The following SUN1 variants were observed in gnomAD, a reference collection of about 807,000 sequenced individuals.
The protein encoded by SUN1 is Sad1 and UNC84 domain containing 1, also known as SUN domain-containing protein 1.
A neutral mutation model predicts 103.2 loss-of-function variants in SUN1; 61 were observed. That is an observed-to-expected ratio of 0.59 (90% CI 0.48 to 0.73). The LOEUF is 0.73. Ranked by LOEUF, SUN1 falls within the 30% of genes least tolerant of loss-of-function variation. SUN1 has a pLI of 0.00. For missense variants in SUN1, 1,052 were observed against 1,034.6 expected (o/e 1.02, Z -0.23); for synonymous variants, 490 against 425.7 (o/e 1.15, Z -1.86).
At chr7:830,060 C>G (rs1796517661), upstream of SUN1, among the ~76,000 whole-genome samples, 1 of 152,154 alleles carries the variant, frequency 6.6e-6, no homozygotes, top group African/African-American at 2.4e-5. Context: ...TAAAATCTTC[C>G]ATTTCCAAAT....
intron 5 of SUN1, chr7:849,631 C>T (rs745368428): frequency 2.2e-5 from 33 of 1,516,968 alleles, no homozygotes; most frequent in Non-Finnish European, 2.9e-5. Context: ...TTCCTGTGGG[C>T]GTCGGTCGTG....
intron 1 of SUN1, chr7:816,849 C>T (rs1780945737): frequency 1.3e-5 from 2 of 150,154 alleles, no homozygotes; most frequent in South Asian, 2.1e-4. Flanking sequence ...TCCCGCGCCC[C>T]GCAGCTACCC....
chr7:842,988 CGTCT>C (rs908727672), intron 3 of SUN1: 44 of 670,308 alleles, frequency 6.6e-5, no homozygotes, highest in Middle Eastern at 4.2e-4. Flanking sequence ...TGTGTGCTGC[CGTCT>C]GTCTGTATTT....
At chr7:815,829 G>A (rs940009949), upstream of SUN1, 49 of 208,276 alleles carry the variant, frequency 2.4e-4, no homozygotes, top group Non-Finnish European at 4.2e-4. Context: ...GAGGAGCCCG[G>A]CCTGCGAGCG....
At chr7:843,723 A>C in intron 5 of SUN1, 2 of 1,428,476 alleles carry the variant, frequency 1.4e-6, no homozygotes, top group Non-Finnish European at 1.8e-6. Context: ...TTTGTACCTA[A>C]AAGTATTTGA....
At chr7:872,792 A>T (rs999720332) in intron 18 of SUN1, among the ~76,000 whole-genome samples, 2 of 152,194 alleles carry the variant, frequency 1.3e-5, no homozygotes, top group African/African-American at 4.8e-5. Flanking sequence ...GATCATATTT[A>T]AAAAGTTAAC....
intron 15 of SUN1, among the ~76,000 whole-genome samples, chr7:864,628 T>C (rs1234921874): frequency 2.0e-5 from 3 of 151,536 alleles, no homozygotes; most frequent in Admixed American, 6.6e-5. Flanking sequence ...GTAGGTCTTA[T>C]GCATTCATTT....
At chr7:849,527 C>T in intron 5 of SUN1, 1 of 1,377,490 alleles carries the variant, frequency 7.3e-7, no homozygotes, top group Non-Finnish European at 9.7e-7. Context: ...CAGCTCATGC[C>T]AGTTACTATG....
At chr7:833,360 G>T (rs1218416275) in intron 1 of SUN1, 1 of 149,488 alleles carries the variant, frequency 6.7e-6, no homozygotes, top group African/African-American at 2.5e-5. Flanking sequence ...GCCCAGGCTA[G>T]AGTGCAGTGG....
intron 15 of SUN1, among the ~76,000 whole-genome samples, chr7:865,340 A>T (rs898290531): frequency 2.6e-5 from 4 of 151,942 alleles, no homozygotes. Context: ...GGAACTCCTG[A>T]CCTCAAGTGA....
chr7:822,823 A>G (rs557995131), intron 1 of SUN1, among the ~76,000 whole-genome samples: 7 of 152,218 alleles, frequency 4.6e-5, no homozygotes, highest in Non-Finnish European at 8.8e-5. Context: ...AGGCCTGAAC[A>G]TGCCGGGAGG....
chr7:866,086 C>T lies in SUN1; in HGVS notation c.1980+19C>T. 1.2e-6 allele frequency: 2 copies of T among 1,607,030 alleles called. No individual in the cohort carries two copies. The highest frequency in any genetic ancestry group is 1.7e-6 in the Non-Finnish European group (2 of 1,173,742). ...CATCCAGGTGAGTGGCCGCCGGTGG[C>T]CGGAGCTGCTCCTCTTCAGCATGGA... On this transcript the variant is annotated intron_variant, in intron 16 of 18. Transcript: ENST00000401592.
intron 12 of SUN1, among the ~76,000 whole-genome samples, chr7:857,418 G>T (rs1464010838): frequency 6.6e-6 from 1 of 152,140 alleles, no homozygotes; most frequent in African/African-American, 2.4e-5. Context: ...ACAAGTATGT[G>T]TGCCTGTAAA....
intron 18 of SUN1, among the ~76,000 whole-genome samples, 160 bp downstream of exon 18, chr7:872,722 T>G (rs1842581432): frequency 6.6e-6 from 1 of 152,236 alleles, no homozygotes; most frequent in Admixed American, 6.5e-5. Context: ...AGCCTTTCCA[T>G]GGCTAATAGC....
intron 16 of SUN1, among the ~76,000 whole-genome samples, chr7:867,708 G>C (rs1260224892): frequency 6.6e-6 from 1 of 152,230 alleles, no homozygotes; most frequent in Non-Finnish European, 1.5e-5. Context: ...GAAGTAAAGA[G>C]AATGTTTACA....
chr7:817,596 C>T, intron 1 of SUN1: 5 of 1,408,586 alleles, frequency 3.5e-6, no homozygotes, highest in South Asian at 2.6e-5. Flanking sequence ...ATAATTGTGT[C>T]TTCTAAGCTT....
Position 861,652 on chromosome 7 carries a change from GC to G in SUN1, c.1864+189del, listed in dbSNP as rs1832331892. Among the ~76,000 whole-genome samples the G allele has an allele frequency of 2.0e-5, 3 of 152,304 alleles. No individual in the cohort carries two copies. In the South Asian group the frequency reaches 6.2e-4, roughly 32 times the overall value. ...CTTCCTGGCCAGTTGTGTTTGGGGG[GC>G]ACAAGTTCTCCCCTGGAAGGGCTGG... On this transcript the variant is annotated intron_variant, in intron 15 of 18. Coordinates refer to ENST00000401592, the MANE Select transcript of SUN1 (RefSeq NM_001130965.3).
chr7:851,554 C>CCTAA, intron 6 of SUN1, 72 bp downstream of exon 6: 1 of 891,396 alleles, frequency 1.1e-6, no homozygotes, highest in Admixed American at 2.4e-5. Flanking sequence ...ACTCGATTTA[C>CCTAA]CTAACCAAGT....
chr7:843,837 AC>A, intron 5 of SUN1: 1 of 1,379,228 alleles, frequency 7.3e-7, no homozygotes. Context: ...TTTTTATAAA[AC>A]GGCACAGATG....
Sources: allele counts gnomAD v4.1 joint callset (sites outside exome capture counted in the v4.1 genomes callset), GRCh38; gene constraint gnomAD v4.1.1; transcripts MANE v1.5; gene names NCBI Gene and HGNC (gene_info 2026-07-23, HGNC 2026-07-21).